ZFPM2: variants seen among roughly 807,000 people sequenced by gnomAD.
ZFPM2 encodes zinc finger protein ZFPM2.
A neutral mutation model predicts 98.6 loss-of-function variants in ZFPM2; 20 were observed. The observed-to-expected ratio is 0.20, with a 90% CI of 0.14 to 0.29. The LOEUF is 0.29. Among genes scored for constraint, ZFPM2 ranks in the 10% least tolerant of loss-of-function variants. The probability of loss-of-function intolerance (pLI) is 1.00; values close to 1 mark genes in which losing one functional copy is unlikely to be tolerated. For synonymous variants in ZFPM2, 518 were observed against 502.7 expected (o/e 1.03, Z -0.41); for missense variants, 1,310 against 1,388.6 (o/e 0.94, Z 0.90).
intron 3 of ZFPM2, among the ~76,000 whole-genome samples, chr8:105,521,412 G>GGGGAGGGA (rs1814057838): frequency 7.7e-6 from 1 of 130,230 alleles, no homozygotes; most frequent in Admixed American, 7.5e-5. Context: ...GGGGGGAGGG[G>GGGGAGGGA]GGGAGGGATG....
chr8:105,747,830 A>G (rs1462658739), intron 5 of ZFPM2, among the ~76,000 whole-genome samples: 1 of 152,128 alleles, frequency 6.6e-6, no homozygotes, highest in Non-Finnish European at 1.5e-5. Context: ...AGTATTGCAT[A>G]GTAGCAAATG....
intron 3 of ZFPM2, among the ~76,000 whole-genome samples, chr8:105,474,839 C>G (rs2130362027): frequency 6.8e-6 from 1 of 148,010 alleles, no homozygotes; most frequent in South Asian, 2.2e-4. Context: ...TTCTCCTTTT[C>G]TCAAGTCAAG....
At chr8:105,568,124 G>C (rs1308123737) in intron 4 of ZFPM2, among the ~76,000 whole-genome samples, 1 of 151,958 alleles carries the variant, frequency 6.6e-6, no homozygotes, top group African/African-American at 2.4e-5. Context: ...CACTTGCAAA[G>C]CTTCAGCTAC....
chr8:105,325,605 T>C (rs1300900706), intron 1 of ZFPM2, among the ~76,000 whole-genome samples: 3 of 151,856 alleles, frequency 2.0e-5, no homozygotes, highest in Non-Finnish European at 4.4e-5. Context: ...TTATCTTATC[T>C]GTGCATAGAG....
intron 1 of ZFPM2, among the ~76,000 whole-genome samples, chr8:105,340,282 C>T (rs1289690884): frequency 1.3e-5 from 2 of 151,748 alleles, no homozygotes; most frequent in African/African-American, 4.8e-5. Context: ...TCTTTGAGGT[C>T]AGTAGCCAAT....
chr8:105,473,698 A>G (rs573418972), intron 3 of ZFPM2, among the ~76,000 whole-genome samples: 2 of 152,200 alleles, frequency 1.3e-5, no homozygotes, highest in African/African-American at 4.8e-5. Flanking sequence ...AAAGAAATGC[A>G]TTTCTCTCCC....
intron 2 of ZFPM2, among the ~76,000 whole-genome samples, chr8:105,442,326 A>G (rs1440159545): frequency 6.6e-6 from 1 of 152,200 alleles, no homozygotes; most frequent in Non-Finnish European, 1.5e-5. Flanking sequence ...CCTGGGTGAC[A>G]GAGCGAGACT....
chr8:105,530,023 A>G (rs1814262745), intron 3 of ZFPM2, among the ~76,000 whole-genome samples: 1 of 152,188 alleles, frequency 6.6e-6, no homozygotes, highest in Non-Finnish European at 1.5e-5. Flanking sequence ...ACCTATGAAT[A>G]TACTTGATTT....
chr8:105,791,626 T>C (rs1389723067), intron 6 of ZFPM2, among the ~76,000 whole-genome samples: 3 of 152,270 alleles, frequency 2.0e-5, no homozygotes, highest in East Asian at 1.9e-4. Flanking sequence ...GGGAGGATTC[T>C]TTCTTTTTCT....
intron 5 of ZFPM2, among the ~76,000 whole-genome samples, chr8:105,726,915 C>G (rs923735468): frequency 6.6e-6 from 1 of 151,138 alleles, no homozygotes; most frequent in Non-Finnish European, 1.5e-5. Flanking sequence ...ATAGAACATG[C>G]GAAGAGTATG....
chr8:105,525,483 A>C (rs1429752992), intron 3 of ZFPM2, among the ~76,000 whole-genome samples: 1 of 152,228 alleles, frequency 6.6e-6, no homozygotes, highest in African/African-American at 2.4e-5. Flanking sequence ...AGGATTAAAC[A>C]GTGATTTGAC....
intron 5 of ZFPM2, among the ~76,000 whole-genome samples, chr8:105,753,359 C>G (rs1213367399): frequency 1.3e-5 from 2 of 152,070 alleles, no homozygotes; most frequent in African/African-American, 4.8e-5. Flanking sequence ...TGGACAGCTC[C>G]TCTGAGGCCT....
At chr8:105,408,063 G>T (rs965562242) in intron 1 of ZFPM2, among the ~76,000 whole-genome samples, 2 of 151,746 alleles carry the variant, frequency 1.3e-5, no homozygotes, top group African/African-American at 2.4e-5. Flanking sequence ...TCTATTGTAG[G>T]CTTTGTTATC....
intron 5 of ZFPM2, among the ~76,000 whole-genome samples, chr8:105,732,411 T>C (rs999705603): frequency 3.3e-5 from 5 of 151,832 alleles, no homozygotes; most frequent in African/African-American, 1.2e-4. Context: ...CTGGATTAAA[T>C]ATGTTCTGCT....
rs1277411411 is a variant in ZFPM2, at chr8:105,781,990, T to C, written c.533-6728T>C. Among the ~76,000 whole-genome samples the C allele has an allele frequency of 3.9e-5, 6 of 152,184 alleles. No individual in the cohort carries two copies. The East Asian group carries it at 1.2e-3, about 29-fold the overall frequency. On this transcript the variant is annotated intron_variant, in intron 5 of 7. Transcript: ENST00000407775. ...CCTAGTTTTTCACATAAAATCTGCC[T>C]TATTCAAATGCCATCTCCCATATTT...
chr8:105,590,156 A>G (rs1815811651), intron 4 of ZFPM2, among the ~76,000 whole-genome samples: 1 of 152,166 alleles, frequency 6.6e-6, no homozygotes, highest in Non-Finnish European at 1.5e-5. Flanking sequence ...AAACTCCAAC[A>G]GGTAATTTTG....
At chr8:105,608,512 C>T (rs191449604) in intron 4 of ZFPM2, among the ~76,000 whole-genome samples, 2 of 148,546 alleles carry the variant, frequency 1.3e-5, no homozygotes, top group East Asian at 4.0e-4. Context: ...CACATTATTG[C>T]TATGTAATGC....
intron 2 of ZFPM2, among the ~76,000 whole-genome samples, chr8:105,421,247 T>A (rs1811786674): frequency 6.6e-6 from 1 of 152,094 alleles, no homozygotes; most frequent in South Asian, 2.1e-4. Context: ...ATTATTAATT[T>A]TTTTATAAAC....
chr8:105,643,610 A>G (rs1440506009), intron 5 of ZFPM2, among the ~76,000 whole-genome samples: 2 of 152,174 alleles, frequency 1.3e-5, no homozygotes, highest in African/African-American at 4.8e-5. Flanking sequence ...ATTACCACCA[A>G]TACCAACAAC....
Sources: allele counts gnomAD v4.1 joint callset (sites outside exome capture counted in the v4.1 genomes callset), GRCh38; gene constraint gnomAD v4.1.1; transcripts MANE v1.5; gene names NCBI Gene and HGNC (gene_info 2026-07-23, HGNC 2026-07-21).